Variants in ACSM2A observed in about 807,000 individuals in gnomAD.
ACSM2A encodes the protein acyl-CoA synthetase medium chain family member 2A.
A neutral mutation model predicts 76.6 loss-of-function variants in ACSM2A; 72 were observed. The ratio of observed to expected loss-of-function variants is 0.94; its 90% confidence interval spans 0.78 to 1.14. The LOEUF (loss-of-function observed/expected upper bound fraction) is 1.14, where lower values mean the gene tolerates loss of function less well. Among genes scored for constraint, ACSM2A ranks in the 50% most tolerant of loss-of-function variants. The pLI, the probability that ACSM2A is intolerant of heterozygous loss-of-function variation, is 0.00. For missense variants in ACSM2A, 684 were observed against 708.5 expected (o/e 0.97, Z 0.39); for synonymous variants, 249 against 255.9 (o/e 0.97, Z 0.26).
At position 20,469,565 on chromosome 16, in the gene ACSM2A, A is replaced by G. The variant is rs2013243934; in HGVS notation, c.442A>G (p.Arg148Gly). The G allele has an allele frequency of 6.2e-7, 1 of 1,613,890 alleles. No homozygotes were observed. Among genetic ancestry groups the G allele is most frequent in the Non-Finnish European group, 8.5e-7 (1 of 1,179,808 alleles). Residue 148 changes from arginine to glycine, a missense_variant, in exon 4 of 14, where the codon AGG (arginine) becomes GGG (glycine). Arg to Gly is a moderately radical substitution (Grantham distance 125). This residue lies in a region of ACSM2A where 519 missense variants were observed against 549.5 expected (regional missense o/e 0.94). Transcript: ENST00000573854. ...GATGAAATCCACTGACATACTGTAT[A>G]GGTTGCAGATGTCTAAGGCCAAGGC... ...IQMKSTDILYRLQMSKAKAIV... is the reference protein window; with the variant it reads ...IQMKSTDILYGLQMSKAKAIV...
Position 20,473,322 on chromosome 16 carries a change from T to A in ACSM2A, c.894+1633T>A, listed in dbSNP as rs570850374. Reference sequence around the variant, plus strand: ...TCAAAAGGACTTGAACTGGTTTTTATTAAGTTCCACCATTAAAAAAATGAA... The same window carrying A: ...TCAAAAGGACTTGAACTGGTTTTTAATAAGTTCCACCATTAAAAAAATGAA... On this transcript the variant is annotated intron_variant, in intron 6 of 13. Transcript: ENST00000573854. 7.7e-4 allele frequency among the ~76,000 whole-genome samples: 118 copies of A among 152,268 alleles called. 1 individual carries two copies. The highest frequency in any genetic ancestry group is 1.4e-3 in the Non-Finnish European group (93 of 68,036).
chr16:20,464,447 G>C (rs909547611), intron 2 of ACSM2A, among the ~76,000 whole-genome samples: 2 of 152,122 alleles, frequency 1.3e-5, no homozygotes, highest in Admixed American at 1.3e-4. Context: ...TTCTGATGAG[G>C]GCCTCAAGAA....
In ACSM2A at chr16:20,480,977, G is replaced by A. The variant is rs543713713; in HGVS notation, c.1509+56G>A. 49 of 1,605,264 alleles carry A rather than the reference G, an allele frequency of 3.1e-5. No homozygotes were observed. In the South Asian group the frequency reaches 5.1e-4, roughly 17 times the overall value. On this transcript the variant is annotated intron_variant, in intron 12 of 13. Transcript: ENST00000573854. ...CACATATGAACACAAGGGCAGTGTA[G>A]TATGATGGTTTAAGAACAGGGACTG...
chr16:20,478,747 C>A (rs1187164239), intron 10 of ACSM2A, 70 bp downstream of exon 10: 4 of 1,499,778 alleles, frequency 2.7e-6, no homozygotes, highest in Non-Finnish European at 3.6e-6. Context: ...TGAGGGAGGA[C>A]AAATGTTCTG....
At chr16:20,481,841 T>C in intron 12 of ACSM2A, 1 of 121,928 alleles carries the variant, frequency 8.2e-6, no homozygotes, top group East Asian at 2.3e-4. Context: ...ACCCAATACA[T>C]ATGTACAAAT....
chr16:20,486,473 C>T, intron 13 of ACSM2A, 101 bp from the exon 14 acceptor site: 2 of 1,343,330 alleles, frequency 1.5e-6, no homozygotes, highest in Admixed American at 3.5e-5. Context: ...CCTGAAGTGG[C>T]TCCAGCCTGA....
intron 2 of ACSM2A, 52 bp from the exon 3 acceptor site, chr16:20,465,465 T>C: frequency 6.3e-7 from 1 of 1,593,752 alleles, no homozygotes; most frequent in East Asian, 2.3e-5. Context: ...GAATTTATCC[T>C]ACCTGCTTGT....
chr16:20,462,100 C>A (rs978701529), intron 2 of ACSM2A, among the ~76,000 whole-genome samples: 4 of 152,240 alleles, frequency 2.6e-5, no homozygotes, highest in African/African-American at 9.6e-5. Context: ...ATGCAAATGT[C>A]TGAAAAATAT....
In ACSM2A at chr16:20,486,642, G is replaced by A. The variant is rs376006052; in HGVS notation, c.1698G>A (p.Lys566=). 7.4e-6 allele frequency: 12 copies of A among 1,614,096 alleles called. No individual in the cohort carries two copies. The highest frequency in any genetic ancestry group is 3.3e-5 in the Admixed American group (2 of 60,008). The change falls in exon 14 of 14, where the codon AAG becomes AAA. Residue 566 remains lysine, a synonymous_variant. Transcript: ENST00000573854. ...GKIQRAKLRD[K]EWKMSGKARA... is the part of the protein sequence containing the mutation. ...TTCAACGAGCCAAGCTTCGAGACAA[G>A]GAGTGGAAGATGTCCGGAAAAGCCC...
At chr16:20,480,971 A>C in intron 12 of ACSM2A, 50 bp downstream of exon 12, 1 of 1,609,930 alleles carries the variant, frequency 6.2e-7, no homozygotes, top group Non-Finnish European at 8.5e-7. Flanking sequence ...ACACAAGGGC[A>C]GTGTAGTATG....
intron 8 of ACSM2A, chr16:20,476,629 A>T (rs2013752706): frequency 1.0e-6 from 1 of 985,742 alleles, no homozygotes; most frequent in East Asian, 1.1e-4. Flanking sequence ...GGTTCCCATG[A>T]TCTTAATCAC....
In ACSM2A at chr16:20,483,058, G is replaced by T. The variant is rs754475293; in HGVS notation, c.1510G>T (p.Val504Leu). 3 of 1,613,338 alleles carry T rather than the reference G, an allele frequency of 1.9e-6. No homozygotes were observed. The highest frequency in any genetic ancestry group is 2.2e-5 in the South Asian group (2 of 91,052). Reference protein sequence around the residue: ...ISSPDPVRGEVVKAFVVLASQ... With the variant: ...ISSPDPVRGELVKAFVVLASQ... ...TCTCTGGCCTTCATCTTTTTTGCAG[G>T]TGGTGAAGGCATTTGTGGTCCTGGC... The change falls in exon 13 of 14, where the codon GTG (valine) becomes TTG (leucine). Residue 504 changes from valine to leucine, a missense_variant and splice_region_variant. Coordinates refer to ENST00000573854, the MANE Select transcript of ACSM2A (RefSeq NM_001308172.2).
Position 20,477,386 on chromosome 16 carries a change from T to G in ACSM2A, c.1116T>G (p.Val372=). Residue 372 remains valine (V), a synonymous_variant, in exon 9 of 14, where the codon GTT becomes GTG. Coordinates refer to ENST00000573854, the MANE Select transcript of ACSM2A (RefSeq NM_001308172.2). ...GQTETGLTCM[V]SKTMKIKPGY... ...TTCCACAGGGATTAACTTGCATGGT[T>G]TCCAAGACAATGAAAATCAAACCAG... 6.2e-7 allele frequency: 1 copy of G among 1,609,462 alleles called. No homozygotes were observed. The highest frequency in any genetic ancestry group is 1.1e-5 in the South Asian group (1 of 90,348).
chr16:20,471,766 T>G, intron 6 of ACSM2A, 77 bp downstream of exon 6: 1 of 1,547,964 alleles, frequency 6.5e-7, no homozygotes, highest in South Asian at 1.3e-5. Flanking sequence ...TGTAGTTTGT[T>G]TCAATTCATC....
At chr16:20,485,620 C>T (rs754571207) in intron 13 of ACSM2A, among the ~76,000 whole-genome samples, 2 of 152,170 alleles carry the variant, frequency 1.3e-5, no homozygotes, top group African/African-American at 4.8e-5. Flanking sequence ...TTGATAAAAA[C>T]AGGAAGTGGG....
At chr16:20,485,233 T>C (rs1469479049) in intron 13 of ACSM2A, among the ~76,000 whole-genome samples, 3 of 152,200 alleles carry the variant, frequency 2.0e-5, no homozygotes, top group African/African-American at 4.8e-5. Context: ...CTGAATATTG[T>C]AGAAGGCTGA....
chr16:20,469,732 A>G lies in ACSM2A; in HGVS notation c.596+13A>G, dbSNP rs369464772. 9.3e-6 allele frequency: 15 copies of G among 1,613,780 alleles called. No individual in the cohort carries two copies. The Admixed American group carries it at 1.7e-4, about 18-fold the overall frequency. ...AGAAACTACTAAAGTGAGTATCTAC[A>G]TGTCTCAGCCTGGGTTTTAACTAAA... On this transcript the variant is annotated intron_variant, in intron 4 of 13. Transcript: ENST00000573854.
At chr16:20,479,331 G>A (rs1347275120) in intron 10 of ACSM2A, among the ~76,000 whole-genome samples, 1 of 152,146 alleles carries the variant, frequency 6.6e-6, no homozygotes, top group Non-Finnish European at 1.5e-5. Context: ...TTTATTGAAT[G>A]CATATCATGA....
Position 20,475,692 on chromosome 16 carries a change from G to C in ACSM2A, c.1017G>C (p.Glu339Asp), listed in dbSNP as rs1326349960. The C allele has an allele frequency of 6.2e-7, 1 of 1,613,920 alleles. No individual in the cohort carries two copies. Among genetic ancestry groups the C allele is most frequent in the African/African-American group, 1.3e-5 (1 of 74,906 alleles). The change falls in exon 8 of 14, where the codon GAG becomes GAC. Residue 339 changes from glutamate (E) to aspartate (D), a missense_variant. Physicochemically the swap from Glu to Asp is conservative, Grantham distance 45. This residue lies in a region of ACSM2A where 519 missense variants were observed against 549.5 expected (regional missense o/e 0.94). Coordinates refer to ENST00000573854, the MANE Select transcript of ACSM2A (RefSeq NM_001308172.2). ...PHLQNCVTVG[E>D]SLLPETLENW... is the part of the protein sequence containing the mutation. ...TACAGAACTGCGTCACTGTAGGGGA[G>C]TCCCTTCTTCCAGAAACTCTGGAGA...
Sources: gnomAD v4.1 joint callset for allele counts (sites outside exome capture counted in the v4.1 genomes callset) on GRCh38, gnomAD v4.1.1 for gene constraint, gnomAD v4.1.1 regional missense constraint, MANE v1.5 for transcripts, NCBI Gene and HGNC (gene_info 2026-07-23, HGNC 2026-07-21) for gene names.